The following NCAPD2 variants were observed in gnomAD, a reference collection of about 807,000 sequenced individuals.
NCAPD2 encodes condensin complex subunit 1.
A neutral mutation model predicts 164.5 loss-of-function variants in NCAPD2; 100 were observed. That is an observed-to-expected ratio of 0.61 (90% CI 0.52 to 0.72). The LOEUF is 0.72. Ranked by LOEUF, NCAPD2 falls within the 30% of genes least tolerant of loss-of-function variation. The probability of loss-of-function intolerance (pLI) is 0.00; values close to 1 mark genes in which losing one functional copy is unlikely to be tolerated. For synonymous variants in NCAPD2, 585 were observed against 642.6 expected (o/e 0.91, Z 1.36); for missense variants, 1,560 against 1,749.2 (o/e 0.89, Z 1.93).
chr12:6,504,584 G>A (rs1946081351), intron 2 of NCAPD2, among the ~76,000 whole-genome samples: 1 of 151,952 alleles, frequency 6.6e-6, no homozygotes, highest in Admixed American at 6.6e-5. Context: ...TAGAGATGGG[G>A]TTTCACCATG....
intron 21 of NCAPD2, 108 bp from the exon 22 acceptor site, chr12:6,526,783 T>C (rs1300790330): frequency 1.4e-6 from 2 of 1,434,066 alleles, no homozygotes; most frequent in Non-Finnish European, 1.9e-6. Context: ...ACTACTTCAC[T>C]AGTTTGAATA....
chr12:6,521,369 A>G (rs1367455475), intron 14 of NCAPD2, among the ~76,000 whole-genome samples: 1 of 152,234 alleles, frequency 6.6e-6, no homozygotes, highest in Non-Finnish European at 1.5e-5. Context: ...TTTTAATTTC[A>G]TATCTTCACA....
In NCAPD2 at chr12:6,531,326, G is replaced by A. The variant is rs1946371196; in HGVS notation, c.4121-1G>A. On this transcript the variant is annotated splice_acceptor_variant, in intron 31 of 31. Coordinates refer to ENST00000315579, the MANE Select transcript of NCAPD2 (RefSeq NM_014865.4). LOFTEE classifies it high-confidence loss of function. This position sits in a 1 kb window ranked among gnomAD's most constrained non-coding sequence, Gnocchi z 4.1. ...TCTTATTCCTTTAATTCTTTGCATA[G>A]ATCTTTCAGCAGAGATGACAGAAGA... 4 of 1,612,060 alleles carry A rather than the reference G, an allele frequency of 2.5e-6. No homozygotes were observed. Among genetic ancestry groups the A allele is most frequent in the Non-Finnish European group, 3.4e-6 (4 of 1,179,308 alleles).
Position 6,531,485 on chromosome 12 carries a change from T to C in NCAPD2, c.*73T>C. ...TGGAATTCGAATTCTGTTTCCCTTGTAAAATATTTGTCTGTCTCTTTTTTT... is the reference window on the plus strand; with the variant it reads ...TGGAATTCGAATTCTGTTTCCCTTGCAAAATATTTGTCTGTCTCTTTTTTT... On this transcript the variant is annotated 3_prime_UTR_variant, in exon 32 of 32. Coordinates refer to ENST00000315579, the MANE Select transcript of NCAPD2 (RefSeq NM_014865.4). The surrounding 1 kb of genome is among the most constrained non-coding windows in gnomAD (Gnocchi z 4.1). 1 of 1,572,908 alleles carries C rather than the reference T, an allele frequency of 6.4e-7. No homozygotes were observed. Among genetic ancestry groups the C allele is most frequent in the South Asian group, 1.2e-5 (1 of 86,500 alleles).
intron 2 of NCAPD2, among the ~76,000 whole-genome samples, chr12:6,509,423 AGC>A (rs1268642595): frequency 2.6e-5 from 4 of 151,824 alleles, no homozygotes; most frequent in Non-Finnish European, 5.9e-5. Flanking sequence ...TACCACACCC[AGC>A]CAATTTTTTG....
At chr12:6,513,617 AGTGATTAACT>A (rs1565542439) in intron 6 of NCAPD2, among the ~76,000 whole-genome samples, 1 of 151,636 alleles carries the variant, frequency 6.6e-6, no homozygotes, top group Non-Finnish European at 1.5e-5. Context: ...GGAGAAAGTG[AGTGATTAACT>A]GTATCACATG....
At chr12:6,525,495 C>G in intron 17 of NCAPD2, 88 bp from the exon 18 acceptor site, 1 of 1,469,912 alleles carries the variant, frequency 6.8e-7, no homozygotes, top group East Asian at 2.3e-5. Context: ...TTGTCTACTT[C>G]AGGTTCGCAA....
intron 4 of NCAPD2, 69 bp from the exon 5 acceptor site, chr12:6,510,560 T>G (rs768412839): frequency 1.0e-5 from 16 of 1,528,688 alleles, no homozygotes; most frequent in Non-Finnish European, 1.4e-5. Flanking sequence ...CTGCAAGTGC[T>G]GGGTGTTTTG....
intron 2 of NCAPD2, among the ~76,000 whole-genome samples, chr12:6,502,874 G>A (rs943555726): frequency 6.6e-6 from 1 of 151,662 alleles, no homozygotes; most frequent in Non-Finnish European, 1.5e-5. Context: ...TTTTTGAGAC[G>A]GAGTCTCACT....
At chr12:6,505,755 C>T (rs1565540046) in intron 2 of NCAPD2, among the ~76,000 whole-genome samples, 1 of 152,026 alleles carries the variant, frequency 6.6e-6, no homozygotes, top group East Asian at 1.9e-4. Context: ...GTCCCAGCTC[C>T]CAGGGTGACT....
intron 2 of NCAPD2, 121 bp from the exon 3 acceptor site, chr12:6,509,596 G>GTT (rs1370615690): frequency 2.7e-5 from 25 of 937,404 alleles, no homozygotes; most frequent in Non-Finnish European, 4.3e-5. Context: ...GAAGTGAACT[G>GTT]TTTGTCTCTT....
At chr12:6,520,815 GT>G (rs1224245176) in intron 13 of NCAPD2, among the ~76,000 whole-genome samples, 170 bp from the exon 14 acceptor site, 2 of 152,288 alleles carry the variant, frequency 1.3e-5, no homozygotes, top group African/African-American at 4.8e-5. Context: ...AATAGGCAAA[GT>G]GTTTTGAGCC....
At chr12:6,521,313 G>A (rs73259174) in intron 14 of NCAPD2, among the ~76,000 whole-genome samples, 1,626 of 152,284 alleles carry the variant, frequency 0.011, 32 homozygotes, top group African/African-American at 0.035. Context: ...AGACCATAGC[G>A]GTCTTTAGGT....
At chr12:6,510,481 G>A in intron 4 of NCAPD2, 148 bp from the exon 5 acceptor site, 2 of 928,266 alleles carry the variant, frequency 2.2e-6, no homozygotes, top group Non-Finnish European at 1.8e-6. Flanking sequence ...CAGGGCCAAG[G>A]GTCCTAAAGG....
chr12:6,520,681 T>A (rs1025581834), intron 13 of NCAPD2, among the ~76,000 whole-genome samples: 5 of 152,168 alleles, frequency 3.3e-5, no homozygotes, highest in Non-Finnish European at 5.9e-5. Context: ...AAACAGGTGT[T>A]TGGAGTAGGT....
intron 2 of NCAPD2, among the ~76,000 whole-genome samples, chr12:6,499,441 G>A (rs75344271): frequency 0.026 from 3,966 of 152,164 alleles, 180 homozygotes; most frequent in African/African-American, 0.089. Flanking sequence ...AGGTTGGAGT[G>A]CAGTGGCAAG....
chr12:6,501,377 G>T (rs999946088), intron 2 of NCAPD2, among the ~76,000 whole-genome samples: 4 of 151,794 alleles, frequency 2.6e-5, no homozygotes, highest in African/African-American at 9.7e-5. Context: ...TAGTAGAGAT[G>T]CGGTTTTGCC....
chr12:6,523,338 G>GAGGAAATT lies in NCAPD2; in HGVS notation c.2207_2214dup (p.Leu739ArgfsTer13). ...CTCGGTTGGGACCATTCAGTGTCTTGAGGAAATTGTAAGGCTTCCTGCTTT... is the reference window on the plus strand; with the variant it reads ...CTCGGTTGGGACCATTCAGTGTCTTGAGGAAATTAGGAAATTGTAAGGCTTCCTGCTTT... On this transcript the variant is annotated frameshift_variant, in exon 17 of 32. Coordinates refer to ENST00000315579, the MANE Select transcript of NCAPD2 (RefSeq NM_014865.4). LOFTEE classifies it high-confidence loss of function. 1.2e-6 allele frequency: 2 copies of GAGGAAATT among 1,611,158 alleles called. No homozygotes were observed. The highest frequency in any genetic ancestry group is 1.7e-6 in the Non-Finnish European group (2 of 1,178,026).
chr12:6,519,899 T>C (rs1408407312), intron 13 of NCAPD2, among the ~76,000 whole-genome samples: 1 of 149,964 alleles, frequency 6.7e-6, no homozygotes, highest in Non-Finnish European at 1.5e-5. Flanking sequence ...GATGGCCAGG[T>C]GCAGTGGCTC....
Sources: allele counts gnomAD v4.1 joint callset (sites outside exome capture counted in the v4.1 genomes callset), GRCh38; gene constraint gnomAD v4.1.1; non-coding constraint Gnocchi (gnomAD v3.1); transcripts MANE v1.5; gene names NCBI Gene and HGNC (gene_info 2026-07-23, HGNC 2026-07-21).